Variants in TXNRD2 observed in about 807,000 individuals in gnomAD.
The protein encoded by TXNRD2 is thioredoxin reductase 2, mitochondrial.
A neutral mutation model predicts 70.8 loss-of-function variants in TXNRD2; 67 were observed. The observed-to-expected ratio is 0.95, with a 90% CI of 0.78 to 1.16. The LOEUF is 1.16. Among genes scored for constraint, TXNRD2 ranks in the 50% most tolerant of loss-of-function variants. TXNRD2 has a pLI of 0.00. For missense variants in TXNRD2, 644 were observed against 719.9 expected, an observed-to-expected ratio of 0.89 and a Z score of 1.21; for synonymous variants, 301 against 295.8, an observed-to-expected ratio of 1.02 and a Z score of -0.18.
At chr22:19,924,481 G>C (rs1941044062) in intron 2 of TXNRD2, among the ~76,000 whole-genome samples, 1 of 152,078 alleles carries the variant, frequency 6.6e-6, no homozygotes, top group Admixed American at 6.6e-5. Flanking sequence ...CATACCCGTA[G>C]ACCCAACAGC....
intron 12 of TXNRD2, chr22:19,881,398 C>T (rs1938770258): frequency 3.9e-6 from 1 of 257,396 alleles, no homozygotes; most frequent in Non-Finnish European, 6.8e-6. Context: ...CGGAAACATC[C>T]CGGCGGGCGG....
intron 11 of TXNRD2, chr22:19,895,068 G>C: frequency 6.3e-7 from 1 of 1,591,584 alleles, no homozygotes; most frequent in Non-Finnish European, 8.5e-7. Context: ...AATTGCTCAA[G>C]GGCCAGGGAA....
At chr22:19,909,090 C>T (rs780021113) in intron 8 of TXNRD2, among the ~76,000 whole-genome samples, 12 of 151,480 alleles carry the variant, frequency 7.9e-5, no homozygotes, top group Non-Finnish European at 1.5e-4. Flanking sequence ...CCTGTAGTCC[C>T]GGCTACTCAG....
chr22:19,879,615 T>C (rs1424781846), intron 14 of TXNRD2, among the ~76,000 whole-genome samples: 8 of 26,816 alleles, frequency 3.0e-4, no homozygotes, highest in Admixed American at 2.2e-3. Flanking sequence ...AGGTGCAGGG[T>C]GGTGGGGGGG....
chr22:19,906,571 A>G (rs1317275332), intron 8 of TXNRD2, among the ~76,000 whole-genome samples: 1 of 152,196 alleles, frequency 6.6e-6, no homozygotes, highest in Non-Finnish European at 1.5e-5. Context: ...GCAGCGAGCC[A>G]TGATCGCACC....
intron 1 of TXNRD2, among the ~76,000 whole-genome samples, chr22:19,934,078 C>T (rs1010663348): frequency 6.6e-6 from 1 of 152,228 alleles, no homozygotes; most frequent in Admixed American, 6.5e-5. Flanking sequence ...CACCCACAGG[C>T]AGGCTGGCCA....
chr22:19,917,598 G>A (rs904870636), intron 5 of TXNRD2, among the ~76,000 whole-genome samples: 7 of 152,126 alleles, frequency 4.6e-5, no homozygotes, highest in East Asian at 1.9e-4. Context: ...TGGCAGCTGA[G>A]CCCCAGGAGA....
intron 11 of TXNRD2, 163 bp from the exon 12 acceptor site, chr22:19,883,624 G>A (rs1601390032): frequency 1.0e-6 from 1 of 970,702 alleles, no homozygotes; most frequent in Non-Finnish European, 1.6e-6. Context: ...AATCACCTGA[G>A]GTCATGAGTT....
intron 2 of TXNRD2, among the ~76,000 whole-genome samples, chr22:19,926,944 A>G (rs918120169): frequency 1.3e-5 from 2 of 152,206 alleles, no homozygotes; most frequent in Admixed American, 6.5e-5. Context: ...AATGTTCTTG[A>G]ATAACACAGG....
intron 12 of TXNRD2, among the ~76,000 whole-genome samples, chr22:19,882,334 G>A (rs1461793842): frequency 6.6e-6 from 1 of 152,152 alleles, no homozygotes; most frequent in African/African-American, 2.4e-5. Flanking sequence ...GGGTAGCTGG[G>A]ATTACAGATA....
chr22:19,890,243 A>G (rs571932366), intron 11 of TXNRD2, among the ~76,000 whole-genome samples: 5 of 152,352 alleles, frequency 3.3e-5, no homozygotes, highest in South Asian at 2.1e-4. Flanking sequence ...GCCACCGCTC[A>G]TAGGAAGAGC....
chr22:19,917,904 T>G (rs1480134372), intron 5 of TXNRD2, among the ~76,000 whole-genome samples: 3 of 152,190 alleles, frequency 2.0e-5, no homozygotes, highest in Non-Finnish European at 4.4e-5. Flanking sequence ...ATTCTGCCAA[T>G]GTGGCCTCAC....
chr22:19,927,836 G>A (rs191195045), intron 2 of TXNRD2, among the ~76,000 whole-genome samples: 59 of 152,072 alleles, frequency 3.9e-4, no homozygotes, highest in African/African-American at 1.4e-3. Flanking sequence ...GCTAACAGCG[G>A]GAGTTCCTGA....
chr22:19,877,697 C>T (rs1287835639), intron 16 of TXNRD2, among the ~76,000 whole-genome samples: 9 of 152,238 alleles, frequency 5.9e-5, no homozygotes, highest in East Asian at 1.9e-4. Context: ...GACCCCGGGA[C>T]CCCGAAAACA....
chr22:19,883,307 C>CT lies in TXNRD2; in HGVS notation c.1086+17_1086+18insA. ...GCAGGCAGGGGCAGGGGCCCTGGTC[C>CT]CGGGACGCATGCCGTACCTCCACCA... On this transcript the variant is annotated intron_variant, in intron 12 of 17. Transcript: ENST00000400521. 1 of 1,611,508 alleles carries CT rather than the reference C, an allele frequency of 6.2e-7. No individual in the cohort carries two copies. Among genetic ancestry groups the CT allele is most frequent in the Admixed American group, 1.7e-5 (1 of 60,002 alleles).
At chr22:19,927,356 T>C (rs1204425274) in intron 2 of TXNRD2, among the ~76,000 whole-genome samples, 2 of 152,020 alleles carry the variant, frequency 1.3e-5, no homozygotes, top group South Asian at 2.1e-4. Context: ...CAAACTCGGA[T>C]TGGAAATACA....
intron 7 of TXNRD2, among the ~76,000 whole-genome samples, chr22:19,913,489 A>C (rs905257459): frequency 1.3e-5 from 2 of 152,158 alleles, no homozygotes; most frequent in African/African-American, 4.8e-5. Context: ...ACTTCACCGG[A>C]GCTCAGCCAG....
At chr22:19,914,650 C>T (rs10427792) in intron 7 of TXNRD2, among the ~76,000 whole-genome samples, 3,052 of 151,780 alleles carry the variant, frequency 0.02, 86 homozygotes, top group African/African-American at 0.068. Flanking sequence ...GGGGAGGAGG[C>T]GCTGGGGAGT....
chr22:19,884,502 A>G (rs2145942720), intron 11 of TXNRD2: 1 of 152,366 alleles, frequency 6.6e-6, no homozygotes, highest in East Asian at 1.9e-4. Context: ...CGGAGAAACC[A>G]GCCCTTCATG....
Sources: allele counts gnomAD v4.1 joint callset (sites outside exome capture counted in the v4.1 genomes callset), GRCh38; gene constraint gnomAD v4.1.1; transcripts MANE v1.5; gene names NCBI Gene and HGNC (gene_info 2026-07-23, HGNC 2026-07-21).